Variants in OTOA observed in about 807,000 individuals in gnomAD.
OTOA encodes otoancorin.
In OTOA, 70 loss-of-function variants were observed where a neutral mutation model predicts 110.8. The ratio of observed to expected loss-of-function variants is 0.63; its 90% confidence interval spans 0.52 to 0.77. The LOEUF (loss-of-function observed/expected upper bound fraction) is 0.77. OTOA is among the 30% of genes least tolerant of loss of function. OTOA has a pLI of 0.00. For synonymous variants in OTOA, 373 were observed against 431.5 expected, an observed-to-expected ratio of 0.86 and a Z score of 1.68; for missense variants, 917 against 1,075.8, an observed-to-expected ratio of 0.85 and a Z score of 2.06.
intron 1 of OTOA, among the ~76,000 whole-genome samples, chr16:21,669,217 C>T (rs1012049879): frequency 3.9e-5 from 6 of 151,938 alleles, no homozygotes. Flanking sequence ...GTGGCACAAG[C>T]CTGTAATCCC....
intron 1 of OTOA, among the ~76,000 whole-genome samples, chr16:21,677,412 A>G (rs918287879): frequency 2.0e-5 from 3 of 151,372 alleles, no homozygotes; most frequent in African/African-American, 7.3e-5. Context: ...TTGTTAGCTA[A>G]TGTGATAATC....
chr16:21,721,307 T>G (rs1480931641), intron 17 of OTOA: 1 of 453,438 alleles, frequency 2.2e-6, no homozygotes, highest in African/African-American at 2.0e-5. Context: ...AAGTAAAATT[T>G]CCCCAAATTT....
intron 7 of OTOA, among the ~76,000 whole-genome samples, chr16:21,685,653 C>T (rs1278620612): frequency 6.6e-6 from 1 of 152,150 alleles, no homozygotes. Context: ...ACTTCTGCCT[C>T]CTGGGTTTAA....
chr16:21,730,569 A>T (rs567359875), intron 20 of OTOA: 2 of 405,618 alleles, frequency 4.9e-6, no homozygotes, highest in Non-Finnish European at 9.6e-6. Flanking sequence ...TCCACTTGGT[A>T]ATATGAATGT....
At chr16:21,698,221 T>G (rs1423171453) in intron 10 of OTOA, among the ~76,000 whole-genome samples, 5 of 152,186 alleles carry the variant, frequency 3.3e-5, no homozygotes, top group African/African-American at 1.2e-4. Flanking sequence ...ACAAAAGATA[T>G]AAAGTTTCCC....
chr16:21,697,881 T>C lies in OTOA; in HGVS notation c.840+6T>C. ...CGAAAATTAGTCCTATAGAAGTAAG[T>C]TGGAAAAGTACATTTATATGTCACC... On this transcript the variant is annotated splice_donor_region_variant and intron_variant, in intron 10 of 28. Transcript: ENST00000646100. The C allele has an allele frequency of 6.2e-7, 1 of 1,607,694 alleles. No individual in the cohort carries two copies. Among genetic ancestry groups the C allele is most frequent in the Non-Finnish European group, 8.5e-7 (1 of 1,174,278 alleles).
At chr16:21,678,629 C>A in intron 2 of OTOA, 24 bp downstream of exon 2, 1 of 1,593,598 alleles carries the variant, frequency 6.3e-7, no homozygotes, top group Non-Finnish European at 8.6e-7. Context: ...GAAGAATCAC[C>A]CTTTGTGGTT....
chr16:21,669,172 C>T (rs7203113), intron 1 of OTOA, among the ~76,000 whole-genome samples: 42,263 of 151,648 alleles, frequency 0.28, 6,207 homozygotes, highest in African/African-American at 0.37. Context: ...GGTGAAACCC[C>T]GTCTCTACTA....
rs779943378 is a variant in OTOA at position 21,709,907 on chromosome 16, A to ACATTG, written c.1126_1130dup (p.Met378LeufsTer20). On this transcript the variant is annotated frameshift_variant, in exon 13 of 29. Coordinates refer to ENST00000646100, the MANE Select transcript of OTOA (RefSeq NM_144672.4). LOFTEE classifies it high-confidence loss of function. ...TTCCAGCTCAAAGCAGAACTCCTGG[A>ACATTG]CATTGCCATGGAGAACCAGACCCTC... 6.2e-7 allele frequency: 1 copy of ACATTG among 1,613,758 alleles called. No homozygotes were observed. The highest frequency in any genetic ancestry group is 2.2e-5 in the East Asian group (1 of 44,886).
chr16:21,758,551 A>G (rs1047478572), intron 28 of OTOA, among the ~76,000 whole-genome samples: 14 of 147,098 alleles, frequency 9.5e-5, no homozygotes, highest in African/African-American at 3.5e-4. Flanking sequence ...TAAAACCTCC[A>G]CTCCACCTTT....
At chr16:21,721,171 T>C in intron 17 of OTOA, 1 of 399,814 alleles carries the variant, frequency 2.5e-6, no homozygotes, top group Non-Finnish European at 5.2e-6. Flanking sequence ...AGCCTCAGCC[T>C]CCTAAAGTGC....
chr16:21,712,421 G>A (rs1483815677), intron 13 of OTOA, among the ~76,000 whole-genome samples: 3 of 152,006 alleles, frequency 2.0e-5, no homozygotes, highest in South Asian at 2.1e-4. Flanking sequence ...ACCTAGCACC[G>A]TAATTCTAGT....
At chr16:21,699,621 A>G (rs1215153419) in intron 10 of OTOA, among the ~76,000 whole-genome samples, 1 of 151,776 alleles carries the variant, frequency 6.6e-6, no homozygotes, top group Non-Finnish European at 1.5e-5. Flanking sequence ...TGGGTAAAAG[A>G]GTGAGACTGT....
At chr16:21,726,354 T>G (rs1898916375) in intron 18 of OTOA, among the ~76,000 whole-genome samples, 169 bp from the exon 19 acceptor site, 2 of 151,912 alleles carry the variant, frequency 1.3e-5, no homozygotes, top group Non-Finnish European at 1.5e-5. Flanking sequence ...AAGAGGAGCA[T>G]GATGGGTGGG....
chr16:21,721,221 C>CACAT (rs951075790), intron 17 of OTOA: 10 of 423,634 alleles, frequency 2.4e-5, no homozygotes, highest in African/African-American at 2.0e-4. Context: ...ATTCTGAAAA[C>CACAT]ACATAATTAT....
intron 15 of OTOA, among the ~76,000 whole-genome samples, chr16:21,717,654 G>A (rs1898599628): frequency 6.6e-6 from 1 of 152,234 alleles, no homozygotes; most frequent in African/African-American, 2.4e-5. Context: ...TGAGCATTGA[G>A]GCCGCTTGGG....
intron 21 of OTOA, among the ~76,000 whole-genome samples, chr16:21,735,134 C>T (rs920626988): frequency 1.5e-5 from 2 of 130,220 alleles, no homozygotes; most frequent in Non-Finnish European, 3.2e-5. Flanking sequence ...GAACAAGACT[C>T]TGAAAAAAAA....
intron 8 of OTOA, among the ~76,000 whole-genome samples, chr16:21,688,836 G>A (rs911698984): frequency 1.3e-5 from 2 of 152,096 alleles, no homozygotes; most frequent in Non-Finnish European, 2.9e-5. Flanking sequence ...CATGAAATTT[G>A]GGGAAACGCA....
At chr16:21,695,234 C>G (rs535094085) in intron 9 of OTOA, among the ~76,000 whole-genome samples, 1,845 of 145,290 alleles carry the variant, frequency 0.013, 39 homozygotes, top group African/African-American at 0.042. Flanking sequence ...ACCCCCCCCC[C>G]CCATACAAAA....
Sources: gnomAD v4.1 joint callset for allele counts (sites outside exome capture counted in the v4.1 genomes callset) on GRCh38, gnomAD v4.1.1 for gene constraint, MANE v1.5 for transcripts, NCBI Gene and HGNC (gene_info 2026-07-23, HGNC 2026-07-21) for gene names.